XPO7: variants seen among roughly 807,000 people sequenced by gnomAD.
XPO7 encodes exportin-7.
XPO7 carries 21 observed loss-of-function variants against 144.3 expected under a neutral mutation model. The ratio of observed to expected loss-of-function variants is 0.15; its 90% CI spans 0.10 to 0.21. The LOEUF is 0.21. Ranked by LOEUF, XPO7 falls within the 10% of genes least tolerant of loss-of-function variation. XPO7 has a pLI of 1.00. For missense variants in XPO7, 808 were observed against 1,325.8 expected, an observed-to-expected ratio of 0.61 and a Z score of 6.06; for synonymous variants, 580 against 499.6, an observed-to-expected ratio of 1.16 and a Z score of -2.15.
chr8:21,948,626 A>G (rs1266941495), intron 1 of XPO7, among the ~76,000 whole-genome samples: 1 of 152,214 alleles, frequency 6.6e-6, no homozygotes, highest in Non-Finnish European at 1.5e-5. Context: ...TTACAGGTCA[A>G]AAATATTTGG....
chr8:21,982,295 T>C (rs1402071380), intron 10 of XPO7, among the ~76,000 whole-genome samples: 1 of 152,178 alleles, frequency 6.6e-6, no homozygotes, highest in Non-Finnish European at 1.5e-5. Flanking sequence ...TTGAGTCTTA[T>C]CCCCATAATT....
rs146787940 is a variant in XPO7 at position 21,958,812 on chromosome 8, C to G, written c.19-8045C>G. Among the ~76,000 whole-genome samples the G allele has an allele frequency of 4.9e-4, 75 of 151,994 alleles. No individual in the cohort carries two copies. The East Asian group carries it at 0.013, about 27-fold the overall frequency. ...CCCATCTCTACTAAAAATACAAAAA[C>G]CAGCCGAACATGGTGGCGCACACCT... On this transcript the variant is annotated intron_variant, in intron 1 of 27. Transcript: ENST00000252512.
At chr8:21,992,378 C>T (rs1469672347) in intron 19 of XPO7, among the ~76,000 whole-genome samples, 1 of 152,080 alleles carries the variant, frequency 6.6e-6, no homozygotes, top group African/African-American at 2.4e-5. Context: ...ATGTACAGTT[C>T]AGTGATGTCA....
At chr8:21,969,405 C>A in intron 2 of XPO7, 78 bp from the exon 3 acceptor site, 2 of 1,233,454 alleles carry the variant, frequency 1.6e-6, no homozygotes, top group Non-Finnish European at 2.3e-6. Context: ...TGAATCTGAG[C>A]AGAGATCTCC....
At chr8:21,994,545 G>C (rs369639772) in intron 20 of XPO7, 94 bp downstream of exon 20, 2 of 1,177,010 alleles carry the variant, frequency 1.7e-6, no homozygotes, top group East Asian at 2.6e-5. Context: ...GGGAAGGGAG[G>C]GTAGTGAGGC....
At chr8:21,989,366 A>G (rs1812685176) in intron 16 of XPO7, among the ~76,000 whole-genome samples, 1 of 152,140 alleles carries the variant, frequency 6.6e-6, no homozygotes, top group Non-Finnish European at 1.5e-5. Flanking sequence ...ATAGGTACAT[A>G]CTCTGTGTGA....
chr8:21,928,167 T>C (rs1244944355), intron 1 of XPO7, among the ~76,000 whole-genome samples: 1 of 152,246 alleles, frequency 6.6e-6, no homozygotes, highest in Non-Finnish European at 1.5e-5. Context: ...TTTTCTGGAA[T>C]TTTATATAAT....
At chr8:21,955,724 C>CTTTTTTTTTTTTTTTTTTT (rs71544845) in intron 1 of XPO7, among the ~76,000 whole-genome samples, 1 of 102,774 alleles carries the variant, frequency 9.7e-6, no homozygotes, top group Admixed American at 1.1e-4. Flanking sequence ...CTGTGCTTAC[C>CTTTTTTTTTTTTTTTTTTT]TTTTTTTTTT....
At chr8:21,953,212 G>T (rs1811428833) in intron 1 of XPO7, among the ~76,000 whole-genome samples, 1 of 152,000 alleles carries the variant, frequency 6.6e-6, no homozygotes, top group Admixed American at 6.6e-5. Context: ...CACTGCCTTA[G>T]ACATCCCCTG....
chr8:21,983,916 G>C lies in XPO7; in HGVS notation c.1278-730G>C, dbSNP rs1448455226. Among the ~76,000 whole-genome samples the C allele has an allele frequency of 3.3e-5, 5 of 152,222 alleles. No individual in the cohort carries two copies. In the East Asian group the frequency reaches 9.6e-4, roughly 29 times the overall value. On this transcript the variant is annotated intron_variant, in intron 11 of 27. Transcript: ENST00000252512. Reference sequence around the variant, plus strand: ...TGTAACAACAGAAGAGCTCCTCATTGGACAAGATGTTAAAATCTAGGAGCT... The same window carrying C: ...TGTAACAACAGAAGAGCTCCTCATTCGACAAGATGTTAAAATCTAGGAGCT...
intron 11 of XPO7, 109 bp from the exon 12 acceptor site, chr8:21,984,537 C>A (rs561934855): frequency 4.9e-6 from 5 of 1,028,998 alleles, no homozygotes; most frequent in Non-Finnish European, 6.9e-6. Flanking sequence ...GGATGTAGAC[C>A]TCTACAGTCA....
chr8:21,929,565 A>G (rs1185239624), intron 1 of XPO7, among the ~76,000 whole-genome samples: 1 of 152,258 alleles, frequency 6.6e-6, no homozygotes, highest in African/African-American at 2.4e-5. Context: ...GATGGAGAAT[A>G]TGAAGGGAGA....
At chr8:21,985,453 T>C in intron 12 of XPO7, 133 bp from the exon 13 acceptor site, 1 of 812,896 alleles carries the variant, frequency 1.2e-6, no homozygotes. Flanking sequence ...AGCAGAGAAG[T>C]AGCCATTCTC....
chr8:21,975,688 G>A (rs779650352), intron 6 of XPO7, among the ~76,000 whole-genome samples: 22 of 152,170 alleles, frequency 1.4e-4, no homozygotes, highest in Non-Finnish European at 2.9e-4. Flanking sequence ...TGTTGCACCC[G>A]CTGGAGGGGA....
At chr8:22,004,885 A>G in intron 27 of XPO7, 110 bp from the exon 28 acceptor site, 1 of 614,584 alleles carries the variant, frequency 1.6e-6, no homozygotes, top group East Asian at 2.9e-5. Flanking sequence ...TTGAAACAGA[A>G]CCCATCAATT....
intron 1 of XPO7, among the ~76,000 whole-genome samples, chr8:21,933,352 G>A (rs898039649): frequency 3.4e-4 from 51 of 151,716 alleles, no homozygotes; most frequent in Non-Finnish European, 1.2e-4. Flanking sequence ...TGCCTGCCTC[G>A]GCCTCCCAAA....
rs1243788765 is a variant in XPO7 at position 21,982,805 on chromosome 8, A to G, written c.1270A>G (p.Ile424Val). Reference sequence around the variant, plus strand: ...ATCCCGGTTGGAATCTGTGCACATCATACTGAGGTAAGGAAACTTAGCCTC... The same window carrying G: ...ATCCCGGTTGGAATCTGTGCACATCGTACTGAGGTAAGGAAACTTAGCCTC... ...ITSRLESVHIILRDGLEDPLE... is the reference protein window; with the variant it reads ...ITSRLESVHIVLRDGLEDPLE... Residue 424 changes from isoleucine to valine, a missense_variant, in exon 11 of 28, where the codon ATA (isoleucine) becomes GTA (valine). This residue lies in a region of XPO7 where 416 missense variants were observed against 612.5 expected (regional missense o/e 0.68). Coordinates refer to ENST00000252512, the MANE Select transcript of XPO7 (RefSeq NM_015024.5). The G allele has an allele frequency of 8.7e-6, 14 of 1,600,068 alleles. No homozygotes were observed. Among genetic ancestry groups the G allele is most frequent in the Non-Finnish European group, 1.2e-5 (14 of 1,175,494 alleles).
At chr8:21,929,104 C>T (rs1212745269) in intron 1 of XPO7, among the ~76,000 whole-genome samples, 2 of 152,182 alleles carry the variant, frequency 1.3e-5, no homozygotes, top group Non-Finnish European at 2.9e-5. Context: ...TTCAGTTGTA[C>T]CAACCACATT....
intron 1 of XPO7, among the ~76,000 whole-genome samples, chr8:21,928,746 A>G (rs1810543196): frequency 6.6e-6 from 1 of 152,244 alleles, no homozygotes; most frequent in African/African-American, 2.4e-5. Context: ...TAGCTTTTAC[A>G]TTTTAAATGG....
Sources: gnomAD v4.1 joint callset for allele counts (sites outside exome capture counted in the v4.1 genomes callset) on GRCh38, gnomAD v4.1.1 for gene constraint, gnomAD v4.1.1 regional missense constraint, MANE v1.5 for transcripts, NCBI Gene and HGNC (gene_info 2026-07-23, HGNC 2026-07-21) for gene names.